Variants in GPR89B observed in about 807,000 individuals in gnomAD.
GPR89B encodes golgi pH regulator B.
Under a neutral mutation model 52.4 loss-of-function variants are expected in GPR89B, and 25 were observed. The observed-to-expected ratio is 0.48, with a 90% CI of 0.35 to 0.67. The LOEUF (loss-of-function observed/expected upper bound fraction) is 0.67. Ranked by LOEUF, GPR89B falls within the 30% of genes least tolerant of loss-of-function variation. The pLI is 0.01. For missense variants in GPR89B, 146 were observed against 450.2 expected, an observed-to-expected ratio of 0.32 and a Z score of 6.11; for synonymous variants, 52 against 151.2, an observed-to-expected ratio of 0.34 and a Z score of 4.81.
chr1:147,935,297 G>C (rs55808160), intron 1 of GPR89B, among the ~76,000 whole-genome samples: 6,766 of 152,042 alleles, frequency 0.045, 211 homozygotes, highest in African/African-American at 0.075. Flanking sequence ...GAACACATGA[G>C]TTTGCTAGGC....
downstream of GPR89B, chr1:147,994,296 T>G: frequency 6.5e-7 from 1 of 1,530,146 alleles, no homozygotes; most frequent in South Asian, 1.1e-5. Flanking sequence ...TATTACTTGT[T>G]TTCATCACAT....
Position 147,981,030 on chromosome 1 carries a change from TG to T in GPR89B, c.910-5161del, listed in dbSNP as rs1265981445. 2.2e-4 allele frequency among the ~76,000 whole-genome samples: 33 copies of T among 150,910 alleles called. 1 individual carries two copies. Among genetic ancestry groups the T allele is most frequent in the Middle Eastern group, 3.2e-3 (1 of 314 alleles). ...CTTCTCTCATTTAGCATAATGGGGT[TG>T]GGGGGGGCTTTTTAAATGTAATTTT... On this transcript the variant is annotated intron_variant, in intron 10 of 13. Transcript: ENST00000314163.
At chr1:147,940,343 C>CAGTG (rs1481054264) in intron 3 of GPR89B, among the ~76,000 whole-genome samples, 4 of 151,640 alleles carry the variant, frequency 2.6e-5, no homozygotes, top group Non-Finnish European at 4.4e-5. Flanking sequence ...GCAGAGCTTG[C>CAGTG]AGTGAGCCGA....
At chr1:147,964,444 A>C (rs1359446668) in intron 7 of GPR89B, among the ~76,000 whole-genome samples, 5 of 151,042 alleles carry the variant, frequency 3.3e-5, no homozygotes, top group Non-Finnish European at 5.9e-5. Context: ...AATTCCTTGT[A>C]AGCTACCCTT....
At chr1:147,958,288 T>G (rs1656274462) in intron 7 of GPR89B, among the ~76,000 whole-genome samples, 2 of 152,054 alleles carry the variant, frequency 1.3e-5, no homozygotes, top group Non-Finnish European at 2.9e-5. Flanking sequence ...AAGATTTATA[T>G]AAACAATACT....
At chr1:147,968,482 T>G (rs1208759244) in intron 8 of GPR89B, 5 of 375,034 alleles carry the variant, frequency 1.3e-5, no homozygotes, top group African/African-American at 2.1e-5. Context: ...ATTAGTTCCC[T>G]TTTCTAACAT....
chr1:148,008,274 A>G, the GPR89B span, among the ~76,000 whole-genome samples: 4 of 152,346 alleles, frequency 2.6e-5, no homozygotes, highest in East Asian at 3.9e-4. Context: ...ACCATTCACC[A>G]TGTGCATTAG....
intron 1 of GPR89B, among the ~76,000 whole-genome samples, chr1:147,935,515 G>C (rs587750215): frequency 1.3e-5 from 2 of 152,084 alleles, no homozygotes; most frequent in African/African-American, 2.4e-5. Context: ...ATGTGGCTAC[G>C]GTCTCTGCCA....
rs1337618514 is a variant in GPR89B at position 147,986,203 on chromosome 1, C to T, written c.914C>T (p.Thr305Ile). The part of the protein sequence containing the change: ...IYCVWKIFMA[T>I]INIVFDRVGK... ...TAAAAATCTGCATCTTTGCAGGCTA[C>T]CATCAATATTGTTTTTGATCGAGTT... Residue 305 changes from threonine to isoleucine, a missense_variant, in exon 11 of 14, where the codon ACC becomes ATC. By Grantham distance (89) the Thr-to-Ile change is moderately conservative. Transcript: ENST00000314163. 33 of 1,611,076 alleles carry T rather than the reference C, an allele frequency of 2.0e-5. No individual in the cohort carries two copies. Among genetic ancestry groups the T allele is most frequent in the Non-Finnish European group, 2.7e-5 (32 of 1,179,458 alleles).
the GPR89B span, among the ~76,000 whole-genome samples, chr1:148,014,167 G>A: frequency 2.0e-5 from 3 of 151,472 alleles, no homozygotes; most frequent in African/African-American, 4.9e-5. Context: ...GACGCTGCCT[G>A]CCCGGGATCC....
chr1:148,008,940 A>G, the GPR89B span, among the ~76,000 whole-genome samples: 1 of 152,088 alleles, frequency 6.6e-6, no homozygotes, highest in South Asian at 2.1e-4. Context: ...AAAGATACCA[A>G]TCTTACTCAA....
At chr1:147,939,483 T>G (rs1654366603) in intron 3 of GPR89B, among the ~76,000 whole-genome samples, 1 of 152,202 alleles carries the variant, frequency 6.6e-6, no homozygotes, top group Admixed American at 6.6e-5. Context: ...TGTTGTGCTT[T>G]TTTATCACCA....
chr1:147,944,623 A>AAC (rs1654806336), intron 5 of GPR89B, among the ~76,000 whole-genome samples: 1 of 126,076 alleles, frequency 7.9e-6, no homozygotes, highest in South Asian at 3.1e-4. Flanking sequence ...GGTGACATAA[A>AAC]ACACCCACAA....
At chr1:147,969,750 T>C (rs1363534018) in intron 9 of GPR89B, 117 bp from the exon 10 acceptor site, 4 of 1,469,984 alleles carry the variant, frequency 2.7e-6, no homozygotes, top group Non-Finnish European at 3.7e-6. Flanking sequence ...TTAATATTAT[T>C]GCAATGTATG....
At chr1:147,939,829 C>G (rs1204507582) in intron 3 of GPR89B, among the ~76,000 whole-genome samples, 2 of 151,256 alleles carry the variant, frequency 1.3e-5, no homozygotes, top group Non-Finnish European at 2.9e-5. Flanking sequence ...GAGACCCTGT[C>G]TCTACAAAAA....
chr1:147,955,398 T>A (rs1261380787), intron 7 of GPR89B, among the ~76,000 whole-genome samples: 2 of 152,070 alleles, frequency 1.3e-5, no homozygotes, highest in Non-Finnish European at 2.9e-5. Flanking sequence ...ATTTTACTGA[T>A]TTCAGATCTT....
At chr1:147,983,158 A>G (rs1571312805) in intron 10 of GPR89B, among the ~76,000 whole-genome samples, 2 of 152,224 alleles carry the variant, frequency 1.3e-5, no homozygotes, top group Non-Finnish European at 1.5e-5. Context: ...CTTACACCTT[A>G]TACAAAAATT....
intron 10 of GPR89B, among the ~76,000 whole-genome samples, chr1:147,984,003 AATG>A (rs1433838203): frequency 6.6e-6 from 1 of 151,384 alleles, no homozygotes; most frequent in Non-Finnish European, 1.5e-5. Flanking sequence ...AGCCATAAAA[AATG>A]ATGAGTTCAT....
intron 5 of GPR89B, among the ~76,000 whole-genome samples, chr1:147,946,866 A>C (rs587604811): frequency 6.6e-6 from 1 of 152,284 alleles, no homozygotes; most frequent in East Asian, 1.9e-4. Context: ...TCCAATAGGC[A>C]TTACAGTTTT....
Sources: gnomAD v4.1 joint callset for allele counts (sites outside exome capture counted in the v4.1 genomes callset) on GRCh38, gnomAD v4.1.1 for gene constraint, MANE v1.5 for transcripts, NCBI Gene and HGNC (gene_info 2026-07-23, HGNC 2026-07-21) for gene names.